Variants in CNTRL observed in about 807,000 individuals in gnomAD.
The protein encoded by CNTRL is 110 kDa centrosomal protein.
In CNTRL, 233 loss-of-function variants were observed where a neutral mutation model predicts 303.7. The observed-to-expected ratio is 0.77, with a 90% confidence interval of 0.69 to 0.86. The LOEUF is 0.86. CNTRL is among the 40% of genes least tolerant of loss of function. The pLI is 0.00. For synonymous variants in CNTRL, 900 were observed against 922.2 expected (o/e 0.98, Z 0.44); for missense variants, 2,524 against 2,650.6 (o/e 0.95, Z 1.05).
chr9:121,161,629 C>T (rs2052858312), intron 32 of CNTRL: 4 of 459,040 alleles, frequency 8.7e-6, no homozygotes, highest in South Asian at 6.1e-5. Context: ...ATTACAGGTG[C>T]GTGCTGCTGC....
intron 7 of CNTRL, among the ~76,000 whole-genome samples, chr9:121,099,411 A>T (rs1367465767): frequency 1.3e-5 from 2 of 152,236 alleles, no homozygotes; most frequent in East Asian, 3.8e-4. Flanking sequence ...CGTCACCATC[A>T]TCAAAGACCA....
chr9:121,083,238 T>G lies in CNTRL; in HGVS notation c.-32+2760T>G, dbSNP rs1163548979. The stretch of plus-strand genomic sequence containing the variant: ...ATTAGCCTTAGCTTGCTGTAATGTT[T>G]TTACTTTATAAACTTTAAACTTTTT... On this transcript the variant is annotated intron_variant, in intron 2 of 43. Transcript: ENST00000373855. Among the ~76,000 whole-genome samples the G allele has an allele frequency of 3.3e-5, 5 of 152,208 alleles. 1 individual carries two copies. Among genetic ancestry groups the G allele is most frequent in the Non-Finnish European group, 7.3e-5 (5 of 68,042 alleles).
intron 34 of CNTRL, among the ~76,000 whole-genome samples, chr9:121,164,429 A>G (rs1018595046): frequency 1.2e-4 from 18 of 152,228 alleles, no homozygotes; most frequent in African/African-American, 4.3e-4. Context: ...TAGATAAACA[A>G]ATTGTGGTAT....
At chr9:121,126,864 C>T (rs1165650337) in intron 14 of CNTRL, among the ~76,000 whole-genome samples, 1 of 151,838 alleles carries the variant, frequency 6.6e-6, no homozygotes, top group Non-Finnish European at 1.5e-5. Flanking sequence ...TCTTGTTGCC[C>T]AGGCTGGAGT....
In CNTRL at chr9:121,158,794, G is replaced by C. The variant is rs2052711311; in HGVS notation, c.4765-61G>C. On this transcript the variant is annotated intron_variant, in intron 30 of 43. Coordinates refer to ENST00000373855, the MANE Select transcript of CNTRL (RefSeq NM_007018.6). Reference sequence around the variant, plus strand: ...TTACCTCACAACTAAATTATCTCCAGGTTAGCACTGAGGGCTGTATGGCCT... The same window carrying C: ...TTACCTCACAACTAAATTATCTCCACGTTAGCACTGAGGGCTGTATGGCCT... 20 of 1,470,072 alleles carry C rather than the reference G, an allele frequency of 1.4e-5. No individual in the cohort carries two copies. In the South Asian group the frequency reaches 2.3e-4, roughly 17 times the overall value. The allele number at this position is 1,470,072 out of a possible 1,614,324, so 91.1% of individuals were successfully genotyped here.
At chr9:121,127,358 G>A (rs1489874896) in intron 14 of CNTRL, among the ~76,000 whole-genome samples, 2 of 152,164 alleles carry the variant, frequency 1.3e-5, no homozygotes, top group Admixed American at 1.3e-4. Flanking sequence ...GTGGGTCAGA[G>A]TATGTCCATC....
At position 121,150,397 on chromosome 9, in the gene CNTRL, G is replaced by T. The variant is rs772493637; in HGVS notation, c.3877G>T (p.Val1293Leu). The T allele has an allele frequency of 3.1e-6, 5 of 1,614,012 alleles. No homozygotes were observed. The highest frequency in any genetic ancestry group is 4.2e-6 in the Non-Finnish European group (5 of 1,180,024). Reference protein sequence around the residue: ...YGPPPAGAPMVYGPPPPNFSI... With the variant: ...YGPPPAGAPMLYGPPPPNFSI... Reference sequence around the variant, plus strand: ...CCCACCTCCTGCTGGGGCCCCCATGGTGTATGGGCCTCCACCCCCCAACTT... The same window carrying T: ...CCCACCTCCTGCTGGGGCCCCCATGTTGTATGGGCCTCCACCCCCCAACTT... Residue 1293 changes from valine (V) to leucine (L), a missense_variant, in exon 25 of 44, where the codon GTG (valine) becomes TTG (leucine). Val to Leu is a conservative substitution (Grantham distance 32). Transcript: ENST00000373855.
intron 2 of CNTRL, among the ~76,000 whole-genome samples, chr9:121,082,297 C>G (rs1163432228): frequency 6.6e-6 from 1 of 152,168 alleles, no homozygotes; most frequent in Non-Finnish European, 1.5e-5. Flanking sequence ...GATCACTTGA[C>G]TGCCTGTGAT....
chr9:121,156,051 G>C (rs1390743113), intron 27 of CNTRL, among the ~76,000 whole-genome samples: 1 of 151,798 alleles, frequency 6.6e-6, no homozygotes, highest in South Asian at 2.1e-4. Flanking sequence ...TCATATGTTG[G>C]ATTACTGTGA....
At chr9:121,104,492 C>T (rs944495178) in intron 7 of CNTRL, among the ~76,000 whole-genome samples, 2 of 151,632 alleles carry the variant, frequency 1.3e-5, no homozygotes, top group African/African-American at 4.9e-5. Context: ...GCACGTTGTG[C>T]ACATGTACCC....
intron 2 of CNTRL, among the ~76,000 whole-genome samples, chr9:121,083,771 C>T (rs1021232049): frequency 6.6e-6 from 1 of 152,170 alleles, no homozygotes; most frequent in African/African-American, 2.4e-5. Context: ...TTTGTTTACA[C>T]CAACATCACT....
At chr9:121,105,632 C>T (rs1397769127) in intron 7 of CNTRL, among the ~76,000 whole-genome samples, 1 of 152,040 alleles carries the variant, frequency 6.6e-6, no homozygotes, top group Non-Finnish European at 1.5e-5. Flanking sequence ...GAAAGAGAGG[C>T]CAGCAAGGTA....
intron 25 of CNTRL, chr9:121,150,723 A>G: frequency 2.1e-6 from 1 of 467,552 alleles, no homozygotes; most frequent in Non-Finnish European, 3.7e-6. Flanking sequence ...GAGCCTAGGA[A>G]TTCAAGGCCA....
chr9:121,089,056 G>T (rs1211121290), intron 3 of CNTRL, among the ~76,000 whole-genome samples: 2 of 152,124 alleles, frequency 1.3e-5, no homozygotes, highest in African/African-American at 4.8e-5. Flanking sequence ...ATTGTTGGGG[G>T]TATAGCTTAG....
At chr9:121,116,037 A>G (rs34680486) in intron 11 of CNTRL, among the ~76,000 whole-genome samples, 3,275 of 151,030 alleles carry the variant, frequency 0.022, 86 homozygotes, top group Middle Eastern at 0.038. Context: ...AAGGCAATAA[A>G]CAAAAAGGAA....
chr9:121,123,057 C>G (rs2050318891), intron 12 of CNTRL, among the ~76,000 whole-genome samples: 1 of 152,064 alleles, frequency 6.6e-6, no homozygotes, highest in Non-Finnish European at 1.5e-5. Flanking sequence ...CCTCTATTTT[C>G]TTCTAAGAAA....
chr9:121,141,281 C>A, intron 17 of CNTRL, 100 bp from the exon 18 acceptor site: 2 of 915,966 alleles, frequency 2.2e-6, no homozygotes, highest in Non-Finnish European at 1.7e-6. Flanking sequence ...CCAGTCCCTG[C>A]ACACAGCTTT....
intron 15 of CNTRL, among the ~76,000 whole-genome samples, chr9:121,136,538 C>T (rs1333874019): frequency 1.3e-5 from 2 of 151,932 alleles, no homozygotes; most frequent in Non-Finnish European, 2.9e-5. Context: ...TACAAACTCC[C>T]GACCTCAGGC....
At chr9:121,162,348 G>A in intron 34 of CNTRL, 77 bp downstream of exon 34, 1 of 1,252,130 alleles carries the variant, frequency 8.0e-7, no homozygotes, top group Admixed American at 1.7e-5. Flanking sequence ...AAAAAATTTG[G>A]AAAATAGAGA....
Sources: allele counts gnomAD v4.1 joint callset (sites outside exome capture counted in the v4.1 genomes callset), GRCh38; gene constraint gnomAD v4.1.1; transcripts MANE v1.5; gene names NCBI Gene and HGNC (gene_info 2026-07-23, HGNC 2026-07-21).